The following SAE1 variants were observed in gnomAD, a reference collection of about 807,000 sequenced individuals.
SAE1 encodes SUMO1 activating enzyme subunit 1, also known as SUMO-activating enzyme subunit 1.
In SAE1, 11 loss-of-function variants were observed where a neutral mutation model predicts 40.6. The observed-to-expected ratio is 0.27, with a 90% CI of 0.17 to 0.45. The LOEUF (loss-of-function observed/expected upper bound fraction) is 0.45, where lower values mean the gene tolerates loss of function less well. Ranked by LOEUF, SAE1 falls within the 20% of genes least tolerant of loss-of-function variation. The pLI is 1.00. For synonymous variants in SAE1, 155 were observed against 154.3 expected, an observed-to-expected ratio of 1.00 and a Z score of -0.03; for missense variants, 373 against 427.3, an observed-to-expected ratio of 0.87 and a Z score of 1.12.
intron 1 of SAE1, among the ~76,000 whole-genome samples, chr19:47,137,815 G>A (rs1427924314): frequency 1.4e-5 from 2 of 146,470 alleles, no homozygotes; most frequent in Non-Finnish European, 1.5e-5. Flanking sequence ...TGCAACCTCC[G>A]CCTCCTGAGT....
chr19:47,146,848 G>A lies in SAE1; in HGVS notation c.210+3243G>A, dbSNP rs560424885. Among the ~76,000 whole-genome samples the A allele has an allele frequency of 9.9e-5, 15 of 152,226 alleles. No homozygotes were observed. The East Asian group carries it at 1.9e-3, about 20-fold the overall frequency. On this transcript the variant is annotated intron_variant, in intron 2 of 8. Transcript: ENST00000270225. ...ACTGGGTGGGTGGCTGGTGGACTCC[G>A]GAGACAGCACACAGAAGCAGGCAGA...
intron 1 of SAE1, among the ~76,000 whole-genome samples, chr19:47,132,023 G>A (rs1050378509): frequency 9.2e-5 from 14 of 151,704 alleles, no homozygotes; most frequent in African/African-American, 3.4e-4. Flanking sequence ...GTGCAGTTGG[G>A]TGACCTCGGT....
intron 1 of SAE1, 30 bp from the exon 2 acceptor site, chr19:47,143,464 A>G: frequency 6.5e-7 from 1 of 1,535,356 alleles, no homozygotes; most frequent in South Asian, 1.1e-5. Context: ...ACTGTTCTGT[A>G]TCATCAGGTT....
chr19:47,197,455 C>T (rs1436981040), intron 7 of SAE1, 78 bp downstream of exon 7: 8 of 1,352,364 alleles, frequency 5.9e-6, no homozygotes, highest in Non-Finnish European at 8.1e-6. Context: ...TTGACAAGCT[C>T]TTTTATTAGA....
chr19:47,186,970 G>A (rs1052671574), intron 6 of SAE1, among the ~76,000 whole-genome samples: 6 of 152,206 alleles, frequency 3.9e-5, no homozygotes, highest in African/African-American at 1.2e-4. Flanking sequence ...GCCTGGGGCT[G>A]TCTGGGTCGC....
intron 4 of SAE1, among the ~76,000 whole-genome samples, chr19:47,154,385 C>A (rs1441424950): frequency 2.8e-5 from 4 of 142,794 alleles, no homozygotes; most frequent in African/African-American, 5.2e-5. Context: ...TGCCTGGCTT[C>A]TTTGGGTATA....
intron 6 of SAE1, among the ~76,000 whole-genome samples, chr19:47,196,237 A>G (rs1256968813): frequency 7.2e-6 from 1 of 139,810 alleles, no homozygotes; most frequent in African/African-American, 2.7e-5. Flanking sequence ...GGGTTTCACC[A>G]TGTTGGTCAG....
chr19:47,177,710 CAAAGT>C (rs2058478733), intron 6 of SAE1, among the ~76,000 whole-genome samples: 1 of 152,092 alleles, frequency 6.6e-6, no homozygotes, highest in Non-Finnish European at 1.5e-5. Context: ...CCATAATAAT[CAAAGT>C]AATTTATTAT....
chr19:47,170,603 C>A (rs924668275), intron 6 of SAE1, among the ~76,000 whole-genome samples: 10 of 144,398 alleles, frequency 6.9e-5, no homozygotes, highest in African/African-American at 2.5e-4. Context: ...ACTTCCTGGG[C>A]TTAAGTGCTC....
At chr19:47,200,299 C>T (rs1247928608) in intron 7 of SAE1, among the ~76,000 whole-genome samples, 1 of 148,340 alleles carries the variant, frequency 6.7e-6, no homozygotes, top group Non-Finnish European at 1.5e-5. Flanking sequence ...AGTGGCACAT[C>T]ATAGCTCACT....
chr19:47,190,993 C>G (rs1424822880), intron 6 of SAE1, among the ~76,000 whole-genome samples: 4 of 152,164 alleles, frequency 2.6e-5, no homozygotes, highest in Non-Finnish European at 5.9e-5. Context: ...CTTTTGGATT[C>G]CATTAGGGTT....
At chr19:47,205,957 T>C (rs1293321548) in intron 8 of SAE1, among the ~76,000 whole-genome samples, 1 of 152,230 alleles carries the variant, frequency 6.6e-6, no homozygotes, top group Non-Finnish European at 1.5e-5. Context: ...CACCATCATG[T>C]AGAGACTGCA....
intron 7 of SAE1, among the ~76,000 whole-genome samples, chr19:47,203,403 C>A (rs1389529923): frequency 1.3e-5 from 2 of 152,170 alleles, no homozygotes; most frequent in East Asian, 3.8e-4. Flanking sequence ...CAGATATAGT[C>A]TTTCCTTTAA....
rs115405598 is a variant in SAE1, at chr19:47,177,423, A to G, written c.733+7500A>G. On this transcript the variant is annotated intron_variant, in intron 6 of 8. Transcript: ENST00000270225. Reference sequence around the variant, plus strand: ...TTCCAGGCTGGAGTGTGGTGGCACAATCATAACTCACTATAGCCTTGAACT... The same window carrying G: ...TTCCAGGCTGGAGTGTGGTGGCACAGTCATAACTCACTATAGCCTTGAACT... 4.2e-3 allele frequency among the ~76,000 whole-genome samples: 646 copies of G among 152,278 alleles called. 6 individuals carry two copies. The highest frequency in any genetic ancestry group is 0.015 in the African/African-American group (612 of 41,546).
Position 47,131,440 on chromosome 19 carries a change from CAG to C in SAE1, c.98+413_98+414del, listed in dbSNP as rs1281437180. Among the ~76,000 whole-genome samples the C allele has an allele frequency of 4.6e-5, 7 of 152,176 alleles. No homozygotes were observed. The East Asian group carries it at 9.7e-4, about 21-fold the overall frequency. ...ATGGGACCTGGTTCCGTGCTGCACA[CAG>C]GGGAGACTGGACTGGCCAACCGGAC... On this transcript the variant is annotated intron_variant, in intron 1 of 8. Coordinates refer to ENST00000270225, the MANE Select transcript of SAE1 (RefSeq NM_005500.3).
intron 8 of SAE1, among the ~76,000 whole-genome samples, chr19:47,206,163 G>T (rs541566723): frequency 4.6e-5 from 7 of 152,322 alleles, no homozygotes; most frequent in Admixed American, 4.6e-4. Flanking sequence ...GACAGCTGGT[G>T]CCCAGCATCT....
intron 6 of SAE1, among the ~76,000 whole-genome samples, chr19:47,174,362 C>T (rs1323178702): frequency 1.4e-5 from 2 of 146,180 alleles, no homozygotes; most frequent in South Asian, 2.2e-4. Flanking sequence ...ATAACTTAAG[C>T]GTATAGGTCA....
intron 6 of SAE1, among the ~76,000 whole-genome samples, chr19:47,186,463 G>A (rs2058545196): frequency 6.6e-6 from 1 of 152,034 alleles, no homozygotes; most frequent in African/African-American, 2.4e-5. Flanking sequence ...CCTTTTATAG[G>A]GATCCTTAAT....
intron 2 of SAE1, 30 bp downstream of exon 2, chr19:47,143,635 G>T (rs1361095492): frequency 1.3e-6 from 2 of 1,505,508 alleles, no homozygotes; most frequent in Non-Finnish European, 1.8e-6. Flanking sequence ...TTCCTCCCCT[G>T]CTCTGGCTCC....
Sources: gnomAD v4.1 joint callset for allele counts (sites outside exome capture counted in the v4.1 genomes callset) on GRCh38, gnomAD v4.1.1 for gene constraint, MANE v1.5 for transcripts, NCBI Gene and HGNC (gene_info 2026-07-23, HGNC 2026-07-21) for gene names.